Variants in CHRFAM7A observed in about 807,000 individuals in gnomAD.
CHRFAM7A encodes CHRNA7 (exons 5-10) and FAM7A (exons A-E) fusion.
CHRFAM7A carries 3 observed loss-of-function variants against 29.2 expected under a neutral mutation model. The observed-to-expected ratio is 0.10, with a 90% CI of 0.05 to 0.27. CHRFAM7A has a LOEUF of 0.27. Among genes scored for constraint, CHRFAM7A ranks in the 10% least tolerant of loss-of-function variants. The probability of loss-of-function intolerance (pLI) is 1.00; values close to 1 mark genes in which losing one functional copy is unlikely to be tolerated. For synonymous variants in CHRFAM7A, 7 were observed against 135.4 expected (o/e 0.05, Z 6.58); for missense variants, 22 against 328.0 (o/e 0.07, Z 7.21).
At chr15:30,375,652 GTGGTGTGTGTGAGGGGTGTGTGTGTGTC>G (rs2058918734) in intron 5 of CHRFAM7A, among the ~76,000 whole-genome samples, 1 of 149,076 alleles carries the variant, frequency 6.7e-6, no homozygotes, top group Non-Finnish European at 1.5e-5. Context: ...TGGTGTGTAA[GTGGTGTGTGTGAGGGGTGTGTGTGTGTC>G]TGGTGTGTGT....
intron 5 of CHRFAM7A, among the ~76,000 whole-genome samples, chr15:30,376,023 TTG>T (rs1490016982): frequency 2.0e-5 from 3 of 147,572 alleles, no homozygotes; most frequent in Admixed American, 1.3e-4. Context: ...GTGTGTGTGA[TTG>T]TGAGTGGTGT....
intron 2 of CHRFAM7A, 59 bp from the exon 3 acceptor site, chr15:30,383,441 T>C (rs2058970839): frequency 2.3e-6 from 1 of 441,196 alleles, no homozygotes. Context: ...TCTGTCTCCT[T>C]ATATGTCCCT....
intron 5 of CHRFAM7A, among the ~76,000 whole-genome samples, chr15:30,374,434 T>TCACAGACA (rs2058899080): frequency 9.0e-6 from 1 of 110,988 alleles, no homozygotes; most frequent in African/African-American, 3.5e-5. Flanking sequence ...TCTGGAATCA[T>TCACAGACA]CACAGACAAT....
In CHRFAM7A at chr15:30,374,567, A is replaced by G. The variant is rs1425322832; in HGVS notation, c.161-1422T>C. The stretch of plus-strand genomic sequence containing the variant: ...GGCCCGAGACAGAGAATTTCTAGAG[A>G]CAGAAAGCAGATCAGTGGTTGCTGG... On this transcript the variant is annotated intron_variant, in intron 5 of 9. Coordinates refer to ENST00000299847, the MANE Select transcript of CHRFAM7A (RefSeq NM_139320.2). 1.2e-4 allele frequency among the ~76,000 whole-genome samples: 18 copies of G among 145,840 alleles called. 2 individuals carry two copies.
rs1308053189 is a variant in CHRFAM7A, at chr15:30,373,977, TAAAA to T, written c.161-836_161-833del. On this transcript the variant is annotated intron_variant, in intron 5 of 9. Coordinates refer to ENST00000299847, the MANE Select transcript of CHRFAM7A (RefSeq NM_139320.2). Reference sequence around the variant, plus strand: ...AGAATCTGTCTGTAAGAAAAAAAGTTAAAACAAACAAACAAACAAACAAACAAAA... The same window carrying T: ...AGAATCTGTCTGTAAGAAAAAAAGTTCAAACAAACAAACAAACAAACAAAA... Among the ~76,000 whole-genome samples the T allele has an allele frequency of 6.1e-3, 847 of 138,208 alleles. 7 individuals are homozygous for T. Among genetic ancestry groups the T allele is most frequent in the Middle Eastern group, 0.022 (6 of 276 alleles). 90.7% of individuals were successfully genotyped at this position (138,208 alleles called of 152,430 possible).
chr15:30,373,132 A>C lies in CHRFAM7A; in HGVS notation c.174T>G (p.Ser58Arg). Reference sequence around the variant, plus strand: ...ACCAGCGTACATCGATGTAGCAGGAACTCTTGAATATGCCTGTGTGGGTGA... The same window carrying C: ...ACCAGCGTACATCGATGTAGCAGGACCTCTTGAATATGCCTGTGTGGGTGA... The part of the protein sequence containing the change: ...CQYLPPGIFK[S>R]SCYIDVRWFP... Residue 58 changes from serine to arginine, a missense_variant, in exon 6 of 10, where the codon AGT becomes AGG. Coordinates refer to ENST00000299847, the MANE Select transcript of CHRFAM7A (RefSeq NM_139320.2). The C allele has an allele frequency of 6.5e-7, 1 of 1,536,246 alleles. No individual in the cohort carries two copies. Among genetic ancestry groups the C allele is most frequent in the Non-Finnish European group, 8.9e-7 (1 of 1,117,516 alleles).
chr15:30,375,820 GGTGT>G (rs528700830), intron 5 of CHRFAM7A, among the ~76,000 whole-genome samples: 1 of 136,492 alleles, frequency 7.3e-6, no homozygotes, highest in East Asian at 2.0e-4. Flanking sequence ...TTGTGTGAGT[GGTGT>G]GTGAGTGTTG....
At chr15:30,376,421 C>CCTTG (rs1301030197) in intron 5 of CHRFAM7A, among the ~76,000 whole-genome samples, 1 of 87,602 alleles carries the variant, frequency 1.1e-5, no homozygotes, top group Non-Finnish European at 2.3e-5. Flanking sequence ...AACCCATTTC[C>CCTTG]CTTGCCCTGT....
chr15:30,367,368 G>C, intron 9 of CHRFAM7A, 50 bp downstream of exon 9: 3 of 1,581,522 alleles, frequency 1.9e-6, no homozygotes, highest in South Asian at 2.2e-5. Flanking sequence ...CCTAGGAGGA[G>C]CCTCCTTTAC....
At position 30,377,733 on chromosome 15, in the gene CHRFAM7A, C is replaced by A. The variant is rs2058947956; in HGVS notation, c.81-624G>T. On this transcript the variant is annotated intron_variant, in intron 4 of 9. Transcript: ENST00000299847. ...GGGACTACAGGTGCACACCACCACACCTGGTTAATTTTTTTGTATTTTTAG... is the reference window on the plus strand; with the variant it reads ...GGGACTACAGGTGCACACCACCACAACTGGTTAATTTTTTTGTATTTTTAG... Among the ~76,000 whole-genome samples the A allele has an allele frequency of 1.4e-5, 2 of 144,198 alleles. 1 individual carries two copies. The highest frequency in any genetic ancestry group is 1.4e-4 in the Admixed American group (2 of 14,172). 94.6% of individuals were successfully genotyped at this position (144,198 alleles called of 152,430 possible).
chr15:30,371,042 GCACA>G, intron 8 of CHRFAM7A, 52 bp downstream of exon 8: 1 of 1,355,996 alleles, frequency 7.4e-7, no homozygotes, highest in Non-Finnish European at 1.0e-6. Flanking sequence ...GAAATCCTGG[GCACA>G]CTCTAACCCT....
rs1305100121 is a variant in CHRFAM7A, at chr15:30,393,422, C to T, written c.-327G>A. 2.4e-4 allele frequency: 1 copy of T among 4,096 alleles called. No individual in the cohort carries two copies. The highest frequency in any genetic ancestry group is 3.9e-4 in the African/African-American group (1 of 2,542). 0.3% of individuals were successfully genotyped at this position (4,096 alleles called of 1,614,324 possible). ...TCCCGAGCCGCTGTCATGGCCGCGA[C>T]CACCAGGCGGGGCCCCCGGCCGAGC... On this transcript the variant is annotated 5_prime_UTR_variant, in exon 1 of 10. Transcript: ENST00000299847.
intron 5 of CHRFAM7A, among the ~76,000 whole-genome samples, chr15:30,375,798 G>C (rs2058922767): frequency 6.6e-6 from 1 of 151,268 alleles, no homozygotes; most frequent in African/African-American, 2.4e-5. Flanking sequence ...CGTGTGGGTG[G>C]TATGTGAGTG....
intron 9 of CHRFAM7A, among the ~76,000 whole-genome samples, chr15:30,363,097 A>G (rs1461365803): frequency 3.3e-5 from 5 of 151,452 alleles, no homozygotes; most frequent in Non-Finnish European, 7.4e-5. Context: ...GGGGAAGGCT[A>G]TCTGAGCTGT....
At chr15:30,374,302 G>A (rs867369997) in intron 5 of CHRFAM7A, among the ~76,000 whole-genome samples, 2,393 of 96,076 alleles carry the variant, frequency 0.025, 23 homozygotes, top group Non-Finnish European at 0.037. Flanking sequence ...ACGCAGGAAG[G>A]GCCTCCACAG....
intron 1 of CHRFAM7A, among the ~76,000 whole-genome samples, chr15:30,389,231 G>A (rs2058992790): frequency 1.4e-4 from 1 of 7,066 alleles, no homozygotes; most frequent in African/African-American, 3.0e-4. Context: ...AGCCATGATC[G>A]TGCCACTCCA....
At chr15:30,375,880 T>A (rs2058925039) in intron 5 of CHRFAM7A, among the ~76,000 whole-genome samples, 1 of 68,452 alleles carries the variant, frequency 1.5e-5, no homozygotes, top group Admixed American at 1.4e-4. Context: ...GGTGTGTGTG[T>A]TGAGTCGTGT....
upstream of CHRFAM7A, chr15:30,393,877 G>C (rs1277237969): frequency 2.3e-4 from 14 of 60,632 alleles, no homozygotes; most frequent in African/African-American, 8.4e-4. Flanking sequence ...GTGTGTGTGT[G>C]TGTGTGTCTA....
chr15:30,373,312 C>A (rs2058886062), intron 5 of CHRFAM7A, among the ~76,000 whole-genome samples, 167 bp from the exon 6 acceptor site: 1 of 149,076 alleles, frequency 6.7e-6, no homozygotes, highest in Non-Finnish European at 1.5e-5. Context: ...AAAACAGAAT[C>A]TCAGCTAAGC....
Sources: gnomAD v4.1 joint callset for allele counts (sites outside exome capture counted in the v4.1 genomes callset) on GRCh38, gnomAD v4.1.1 for gene constraint, MANE v1.5 for transcripts, NCBI Gene and HGNC (gene_info 2026-07-23, HGNC 2026-07-21) for gene names.